ZBTB20: variants seen among roughly 807,000 people sequenced by gnomAD.
ZBTB20 encodes the protein zinc finger and BTB domain-containing protein 20.
Under a neutral mutation model 56.9 loss-of-function variants are expected in ZBTB20, and 9 were observed. The ratio of observed to expected loss-of-function variants is 0.16; its 90% CI spans 0.10 to 0.28. The LOEUF (loss-of-function observed/expected upper bound fraction) is 0.28, where lower values mean the gene tolerates loss of function less well. ZBTB20 is among the 10% of genes least tolerant of loss of function. ZBTB20 has a pLI of 1.00. For synonymous variants in ZBTB20, 417 were observed against 420.7 expected, an observed-to-expected ratio of 0.99 and a Z score of 0.11; for missense variants, 655 against 1,003.0, an observed-to-expected ratio of 0.65 and a Z score of 4.69.
chr3:114,447,869 G>A (rs1036606305), intron 7 of ZBTB20, among the ~76,000 whole-genome samples: 2 of 152,166 alleles, frequency 1.3e-5, no homozygotes, highest in Middle Eastern at 3.4e-3. Context: ...ATGCCATTTG[G>A]GATATTTCTC....
chr3:114,888,147 G>T (rs1212662688), intron 4 of ZBTB20, among the ~76,000 whole-genome samples: 3 of 151,970 alleles, frequency 2.0e-5, no homozygotes, highest in Non-Finnish European at 4.4e-5. Context: ...GCTGGGTGCA[G>T]TGGCTCACGC....
At chr3:114,818,662 T>C (rs2073077438) in intron 4 of ZBTB20, among the ~76,000 whole-genome samples, 1 of 151,766 alleles carries the variant, frequency 6.6e-6, no homozygotes, top group Admixed American at 6.6e-5. Flanking sequence ...ATTCAGAAAA[T>C]AGTATGTTAA....
intron 2 of ZBTB20, among the ~76,000 whole-genome samples, chr3:114,994,137 T>C (rs1420251034): frequency 4.0e-5 from 6 of 151,676 alleles, no homozygotes; most frequent in African/African-American, 9.7e-5. Context: ...TCAAACAATA[T>C]AGGAAAGATT....
At chr3:114,702,323 G>C (rs2063445226) in intron 5 of ZBTB20, among the ~76,000 whole-genome samples, 1 of 152,184 alleles carries the variant, frequency 6.6e-6, no homozygotes, top group South Asian at 2.1e-4. Flanking sequence ...ACTCCAGTCT[G>C]AGCGAGAGAA....
rs550488252 is a variant in ZBTB20 at position 114,385,537 on chromosome 3, A to G, written c.-154+3468T>C. On this transcript the variant is annotated intron_variant, in intron 8 of 11. Transcript: ENST00000675478. Reference sequence around the variant, plus strand: ...AATAATGGTAGTTCCTCTCATAGGGATTGTTAGTTCTGTGATATTCATCAT... The same window carrying G: ...AATAATGGTAGTTCCTCTCATAGGGGTTGTTAGTTCTGTGATATTCATCAT... 3.3e-5 allele frequency among the ~76,000 whole-genome samples: 5 copies of G among 152,308 alleles called. No homozygotes were observed. In the East Asian group the frequency reaches 9.7e-4, roughly 29 times the overall value.
chr3:114,448,485 TAA>T (rs2091408345), intron 7 of ZBTB20, among the ~76,000 whole-genome samples: 1 of 152,092 alleles, frequency 6.6e-6, no homozygotes, highest in African/African-American at 2.4e-5. Context: ...AGAAGCAAAG[TAA>T]AGATTACTTC....
chr3:115,143,040 T>G (rs1448970107), intron 1 of ZBTB20, among the ~76,000 whole-genome samples: 2 of 152,196 alleles, frequency 1.3e-5, no homozygotes, highest in Non-Finnish European at 2.9e-5. Flanking sequence ...AAAACTGTTA[T>G]TTGAGAACTA....
At chr3:114,684,851 T>C (rs949836192) in intron 6 of ZBTB20, among the ~76,000 whole-genome samples, 3 of 152,032 alleles carry the variant, frequency 2.0e-5, no homozygotes, top group Non-Finnish European at 2.9e-5. Context: ...TGTCTTCCCT[T>C]TGACAATGAG....
At chr3:114,448,053 T>C (rs962221850) in intron 7 of ZBTB20, among the ~76,000 whole-genome samples, 26 of 152,094 alleles carry the variant, frequency 1.7e-4, no homozygotes, top group African/African-American at 6.3e-4. Flanking sequence ...AGAAAATCTC[T>C]AGCTGGCAGG....
rs545607884 is a variant in ZBTB20 at position 115,128,934 on chromosome 3, C to T, written c.-703+18285G>A. Among the ~76,000 whole-genome samples the T allele has an allele frequency of 3.6e-3, 555 of 152,108 alleles. 2 individuals carry two copies. The highest frequency in any genetic ancestry group is 0.012 in the African/African-American group (484 of 41,518). On this transcript the variant is annotated intron_variant, in intron 1 of 11. Transcript: ENST00000675478. ...CTAACACAGTGAAACCCCGTCTCTA[C>T]TAAAAATACAAAAAATTAGTCTGGC... is the stretch of plus-strand genomic sequence containing the variant.
At chr3:115,016,100 C>T (rs1048691910) in intron 2 of ZBTB20, among the ~76,000 whole-genome samples, 2 of 151,928 alleles carry the variant, frequency 1.3e-5, no homozygotes, top group South Asian at 4.1e-4. Context: ...CGTTTGTTGG[C>T]TGCATAAATG....
chr3:114,400,700 C>T (rs956329689), intron 7 of ZBTB20, among the ~76,000 whole-genome samples: 6 of 152,048 alleles, frequency 3.9e-5, no homozygotes, highest in East Asian at 1.9e-4. Context: ...CACTGGGGGA[C>T]CCTAGGGAAG....
chr3:114,885,655 G>C (rs1413196618), intron 4 of ZBTB20, among the ~76,000 whole-genome samples: 2 of 151,592 alleles, frequency 1.3e-5, no homozygotes, highest in Non-Finnish European at 2.9e-5. Context: ...ATCCCAGTTT[G>C]GTATTATCAA....
rs2080570128 is a variant in ZBTB20 at position 114,350,458 on chromosome 3, C to T, written c.1620G>A (p.Val540=). 6.2e-7 allele frequency: 1 copy of T among 1,613,970 alleles called. No individual in the cohort carries two copies. ...QPLAGQQTQF[V]TVSQPGLSTF... Reference sequence around the variant, plus strand: ...TCGACAGACCGGGCTGGGACACTGTCACAAACTGGGTCTGCTGGCCTGCCA... The same window carrying T: ...TCGACAGACCGGGCTGGGACACTGTTACAAACTGGGTCTGCTGGCCTGCCA... Residue 540 remains valine, a synonymous_variant, in exon 11 of 12, where the codon GTG becomes GTA. Coordinates refer to ENST00000675478, the MANE Select transcript of ZBTB20 (RefSeq NM_001348800.3).
At chr3:114,879,090 T>C (rs1356466248) in intron 4 of ZBTB20, among the ~76,000 whole-genome samples, 1 of 152,202 alleles carries the variant, frequency 6.6e-6, no homozygotes. Flanking sequence ...TGGCCTGTTT[T>C]CTGCATCTGA....
chr3:114,679,302 A>T (rs1225132314), intron 6 of ZBTB20, among the ~76,000 whole-genome samples: 2 of 152,224 alleles, frequency 1.3e-5, no homozygotes, highest in Non-Finnish European at 2.9e-5. Context: ...ATTAAACTAA[A>T]GAGCTCCTGC....
rs897755609 is a variant in ZBTB20 at position 114,351,259 on chromosome 3, C to T, written c.819G>A (p.Ala273=). ...SGAVVSHHET[A]LGLPRDHHME... ...TGTGGTGGTCGCGGGGCAGGCCGAG[C>T]GCAGTCTCGTGGTGGCTGACCACTG... The change falls in exon 11 of 12, where the codon GCG becomes GCA. Residue 273 remains alanine, a synonymous_variant. Transcript: ENST00000675478. 2.5e-6 allele frequency: 4 copies of T among 1,600,976 alleles called. No homozygotes were observed. The highest frequency in any genetic ancestry group is 2.2e-5 in the East Asian group (1 of 44,712).
chr3:114,822,503 G>C (rs1299379803), intron 4 of ZBTB20, among the ~76,000 whole-genome samples: 1 of 151,894 alleles, frequency 6.6e-6, no homozygotes, highest in Non-Finnish European at 1.5e-5. Context: ...ACAATGATAA[G>C]ACCTTATTTT....
At chr3:114,365,030 T>C (rs139380448) in intron 10 of ZBTB20, among the ~76,000 whole-genome samples, 5 of 152,316 alleles carry the variant, frequency 3.3e-5, no homozygotes, top group Admixed American at 1.3e-4. Flanking sequence ...AAGTACAGGA[T>C]TGATGTTCTG....
Sources: gnomAD v4.1 joint callset for allele counts (sites outside exome capture counted in the v4.1 genomes callset) on GRCh38, gnomAD v4.1.1 for gene constraint, MANE v1.5 for transcripts, NCBI Gene and HGNC (gene_info 2026-07-23, HGNC 2026-07-21) for gene names.